Variants in UBA3 observed in about 807,000 individuals in gnomAD.
The protein encoded by UBA3 is NEDD8-activating enzyme E1 catalytic subunit.
In UBA3, 26 loss-of-function variants were observed where a neutral mutation model predicts 73.5. That is an observed-to-expected ratio of 0.35 (90% confidence interval 0.26 to 0.49). UBA3 has a LOEUF of 0.49. Among genes scored for constraint, UBA3 ranks in the 20% least tolerant of loss-of-function variants. The pLI is 0.98. For missense variants in UBA3, 495 were observed against 555.6 expected (o/e 0.89, Z 1.10); for synonymous variants, 217 against 191.2 (o/e 1.13, Z -1.11).
At chr3:69,065,342 A>T (rs943943296) in intron 6 of UBA3, among the ~76,000 whole-genome samples, 5 of 152,052 alleles carry the variant, frequency 3.3e-5, no homozygotes, top group African/African-American at 1.2e-4. Flanking sequence ...CACAGATAGT[A>T]TAGGTAGGTA....
In UBA3 at chr3:69,061,859, C is replaced by A. The variant is rs766318611; in HGVS notation, c.865G>T (p.Ala289Ser). ...QWIFQKSLER[A>S]SQYNIRGVTY... ...ACACCCCTAATATTATATTGTGATG[C>A]TCTCTCTAGGGATTTTTGGAAAATC... The change falls in exon 11 of 18, where the codon GCA (alanine) becomes TCA (serine). Residue 289 changes from alanine (A) to serine (S), a missense_variant. Transcript: ENST00000361055. 2 of 1,611,326 alleles carry A rather than the reference C, an allele frequency of 1.2e-6. No homozygotes were observed. The highest frequency in any genetic ancestry group is 1.1e-5 in the South Asian group (1 of 90,592).
intron 17 of UBA3, 122 bp downstream of exon 17, chr3:69,055,729 A>G: frequency 5.0e-6 from 5 of 997,520 alleles, no homozygotes; most frequent in Non-Finnish European, 7.5e-6. Context: ...CTAAAGTTGT[A>G]AGTAATTATT....
intron 8 of UBA3, 88 bp downstream of exon 8, chr3:69,063,351 T>G (rs1016959416): frequency 7.1e-7 from 1 of 1,409,650 alleles, no homozygotes; most frequent in Non-Finnish European, 9.7e-7. Context: ...AAACTCTGAT[T>G]TTTCAAAAAT....
chr3:69,079,908 C>G, intron 2 of UBA3: 1 of 544,940 alleles, frequency 1.8e-6, no homozygotes, highest in Non-Finnish European at 3.2e-6. Flanking sequence ...AGCCTGGCCC[C>G]GACGCCCGCA....
Position 69,079,662 on chromosome 3 carries a change from A to C in UBA3, c.62+450T>G, listed in dbSNP as rs111743804. On this transcript the variant is annotated intron_variant, in intron 2 of 17. Coordinates refer to ENST00000361055, the MANE Select transcript of UBA3 (RefSeq NM_003968.4). ...CAAAATGACTGGAGTGCTTAGTACAATACCTGACATGTAGAGTTATCATTA... is the reference window on the plus strand; with the variant it reads ...CAAAATGACTGGAGTGCTTAGTACACTACCTGACATGTAGAGTTATCATTA... 4.4e-3 allele frequency: 761 copies of C among 172,908 alleles called. 7 individuals carry two copies. Among genetic ancestry groups the C allele is most frequent in the African/African-American group, 0.017 (703 of 41,862 alleles). The allele number at this position is 172,908 out of a possible 1,614,324, so 10.7% of individuals were successfully genotyped here.
intron 11 of UBA3, among the ~76,000 whole-genome samples, chr3:69,059,016 T>C (rs1225392772): frequency 6.6e-6 from 1 of 152,232 alleles, no homozygotes; most frequent in East Asian, 1.9e-4. Context: ...ATTCTAACAA[T>C]TAGCAAATAT....
At chr3:69,069,635 T>A (rs548145281) in intron 5 of UBA3, among the ~76,000 whole-genome samples, 1 of 152,310 alleles carries the variant, frequency 6.6e-6, no homozygotes, top group African/African-American at 2.4e-5. Flanking sequence ...CCAATTTTTT[T>A]TCTCTCCAAT....
chr3:69,075,724 ATTTTTCTTTTT>A (rs975441153), intron 3 of UBA3, among the ~76,000 whole-genome samples: 7 of 147,160 alleles, frequency 4.8e-5, no homozygotes, highest in Non-Finnish European at 1.0e-4. Context: ...TTCAATGTTA[ATTTTTCTTTTT>A]TTTTTCTTTT....
intron 2 of UBA3, 64 bp from the exon 3 acceptor site, chr3:69,077,982 T>C (rs3772979): frequency 0.22 from 347,210 of 1,572,734 alleles, 39,985 homozygotes; most frequent in East Asian, 0.4. Context: ...CCTACAACTA[T>C]TATGGTATCC....
At chr3:69,065,065 G>A (rs1196358605) in intron 6 of UBA3, among the ~76,000 whole-genome samples, 2 of 152,050 alleles carry the variant, frequency 1.3e-5, no homozygotes, top group Admixed American at 6.6e-5. Context: ...GCAGGAGAAC[G>A]AAGCTACAGC....
Position 69,056,289 on chromosome 3 carries a change from C to A in UBA3, c.1084-6G>T. ...CTACAAGCTGGGCAGTTTTCCTACA[C>A]ACATAATACACAACAAATTACAGCA... On this transcript the variant is annotated splice_region_variant and splice_polypyrimidine_tract_variant and intron_variant, in intron 14 of 17. Coordinates refer to ENST00000361055, the MANE Select transcript of UBA3 (RefSeq NM_003968.4). The A allele has an allele frequency of 2.5e-6, 4 of 1,569,058 alleles. No individual in the cohort carries two copies. The highest frequency in any genetic ancestry group is 3.4e-6 in the Non-Finnish European group (4 of 1,160,924).
chr3:69,058,141 A>G (rs922236895), intron 11 of UBA3, among the ~76,000 whole-genome samples: 17 of 152,184 alleles, frequency 1.1e-4, no homozygotes, highest in Middle Eastern at 3.4e-3. Context: ...CGTGTTAGCC[A>G]CGATGGTCTC....
At chr3:69,073,630 T>C (rs940136044) in intron 4 of UBA3, among the ~76,000 whole-genome samples, 1 of 151,946 alleles carries the variant, frequency 6.6e-6, no homozygotes, top group Admixed American at 6.6e-5. Context: ...TCAGTAATAT[T>C]AGTATCTTTT....
At position 69,063,053 on chromosome 3, in the gene UBA3, C is replaced by T; in HGVS notation, c.622G>A (p.Gly208Arg). Residue 208 changes from glycine (G) to arginine (R), a missense_variant, in exon 9 of 18, where the codon GGA (glycine) becomes AGA (arginine). Coordinates refer to ENST00000361055, the MANE Select transcript of UBA3 (RefSeq NM_003968.4). ...CCAGGCAGAATCACCCGGGCATTTC[C>T]TTTAAAACCTTCTGTCCCCCCATCT... ...LIDGGTEGFK[G>R]NARVILPGMT... The T allele has an allele frequency of 6.2e-7, 1 of 1,614,034 alleles. No individual in the cohort carries two copies. Among genetic ancestry groups the T allele is most frequent in the Non-Finnish European group, 8.5e-7 (1 of 1,179,976 alleles).
At chr3:69,077,634 A>C in intron 3 of UBA3, 164 bp downstream of exon 3, 1 of 744,998 alleles carries the variant, frequency 1.3e-6, no homozygotes, top group Non-Finnish European at 2.0e-6. Context: ...ATATTCAAAC[A>C]AAATCAGTTG....
At chr3:69,070,382 G>A in intron 5 of UBA3, among the ~76,000 whole-genome samples, 1 of 152,100 alleles carries the variant, frequency 6.6e-6, no homozygotes, top group East Asian at 1.9e-4. Context: ...TAATGTAGAG[G>A]TTTTATGCCT....
At chr3:69,065,653 G>A (rs931248144) in intron 6 of UBA3, among the ~76,000 whole-genome samples, 1 of 151,874 alleles carries the variant, frequency 6.6e-6, no homozygotes, top group Non-Finnish European at 1.5e-5. Flanking sequence ...TGTTGCCTAG[G>A]CTGTTCTCAA....
rs2092136733 is a variant in UBA3, at chr3:69,073,279, C to T, written c.265-1662G>A. On this transcript the variant is annotated intron_variant, in intron 4 of 17. Transcript: ENST00000361055. Reference sequence around the variant, plus strand: ...GTCTGATATGGTCTCCAAAAATGCTCCCCCAACCCACTTCTGCTCTAGCGA... The same window carrying T: ...GTCTGATATGGTCTCCAAAAATGCTTCCCCAACCCACTTCTGCTCTAGCGA... 2.6e-5 allele frequency among the ~76,000 whole-genome samples: 4 copies of T among 152,182 alleles called. 1 individual carries two copies. In the South Asian group the frequency reaches 8.3e-4, roughly 31 times the overall value.
intron 3 of UBA3, 41 bp from the exon 4 acceptor site, chr3:69,075,551 C>A: frequency 1.5e-6 from 2 of 1,308,888 alleles, no homozygotes; most frequent in South Asian, 2.9e-5. Flanking sequence ...TGGGTGATAA[C>A]CGCAAAGACT....
Sources: allele counts gnomAD v4.1 joint callset (sites outside exome capture counted in the v4.1 genomes callset), GRCh38; gene constraint gnomAD v4.1.1; transcripts MANE v1.5; gene names NCBI Gene and HGNC (gene_info 2026-07-23, HGNC 2026-07-21).